Variants in GNAQ observed in about 807,000 individuals in gnomAD.
The protein encoded by GNAQ is G protein subunit alpha q.
GNAQ carries 8 observed loss-of-function variants against 43.9 expected under a neutral mutation model. The ratio of observed to expected loss-of-function variants is 0.18; its 90% CI spans 0.11 to 0.33. The LOEUF (loss-of-function observed/expected upper bound fraction) is 0.33, where lower values mean the gene tolerates loss of function less well. GNAQ is among the 10% of genes least tolerant of loss of function. The pLI, the probability that GNAQ is intolerant of heterozygous loss-of-function variation, is 1.00. For synonymous variants in GNAQ, 155 were observed against 170.7 expected (o/e 0.91, Z 0.71); for missense variants, 158 against 450.8 (o/e 0.35, Z 5.88).
intron 5 of GNAQ, among the ~76,000 whole-genome samples, chr9:77,745,813 AC>A (rs1425390998): frequency 6.6e-6 from 1 of 152,098 alleles, no homozygotes; most frequent in African/African-American, 2.4e-5. Flanking sequence ...CGTTATAGTA[AC>A]AGAACACAGA....
At chr9:77,985,325 C>G (rs1180749049) in intron 1 of GNAQ, among the ~76,000 whole-genome samples, 2 of 152,156 alleles carry the variant, frequency 1.3e-5, no homozygotes, top group East Asian at 1.9e-4. Flanking sequence ...AAAAACCAAC[C>G]AACAAACAAA....
At chr9:77,863,216 A>AAGGAAGGG (rs1281288103) in intron 2 of GNAQ, among the ~76,000 whole-genome samples, 6 of 148,976 alleles carry the variant, frequency 4.0e-5, no homozygotes, top group Admixed American at 1.3e-4. Context: ...GGAAGGAAGG[A>AAGGAAGGG]AGGGAGGAAG....
intron 5 of GNAQ, among the ~76,000 whole-genome samples, chr9:77,753,836 G>C (rs1200871915): frequency 1.0e-5 from 1 of 97,340 alleles, no homozygotes; most frequent in African/African-American, 2.6e-5. Flanking sequence ...CCATATACTT[G>C]AATTAATTAA....
chr9:77,832,559 C>T (rs759689727), intron 2 of GNAQ, among the ~76,000 whole-genome samples: 3 of 152,092 alleles, frequency 2.0e-5, no homozygotes, highest in Admixed American at 1.3e-4. Context: ...AGAAAAGCAC[C>T]AAAGAAAACC....
At chr9:77,970,224 A>C (rs190138874) in intron 1 of GNAQ, among the ~76,000 whole-genome samples, 2 of 147,898 alleles carry the variant, frequency 1.4e-5, no homozygotes, top group African/African-American at 5.0e-5. Context: ...CATCTCCACA[A>C]AAAAAAAAAA....
chr9:77,941,818 A>G (rs1444152964), intron 1 of GNAQ, among the ~76,000 whole-genome samples: 1 of 152,066 alleles, frequency 6.6e-6, no homozygotes, highest in Non-Finnish European at 1.5e-5. Context: ...ACTGTTGACA[A>G]TATATTGCCA....
chr9:77,923,302 C>T (rs570227097), intron 1 of GNAQ, among the ~76,000 whole-genome samples: 136 of 152,164 alleles, frequency 8.9e-4, no homozygotes, highest in African/African-American at 3.1e-3. Flanking sequence ...TTCCCTCTCC[C>T]GATTCTTGAC....
At chr9:78,005,771 T>C (rs1273284237) in intron 1 of GNAQ, among the ~76,000 whole-genome samples, 2 of 152,178 alleles carry the variant, frequency 1.3e-5, no homozygotes, top group Admixed American at 1.3e-4. Flanking sequence ...GATGGGTATG[T>C]GTTAGGCATC....
intron 5 of GNAQ, among the ~76,000 whole-genome samples, chr9:77,751,919 A>G (rs958745548): frequency 3.3e-5 from 5 of 152,376 alleles, no homozygotes; most frequent in Admixed American, 3.3e-4. Flanking sequence ...GGGAAATGCG[A>G]AACTGAATCT....
chr9:78,015,936 G>C (rs933317144), intron 1 of GNAQ, among the ~76,000 whole-genome samples: 74 of 151,678 alleles, frequency 4.9e-4, no homozygotes, highest in African/African-American at 1.7e-3. Context: ...AATAAACTTA[G>C]AAAAATTCCA....
intron 5 of GNAQ, among the ~76,000 whole-genome samples, chr9:77,738,358 A>G (rs985368634): frequency 6.6e-6 from 1 of 152,106 alleles, no homozygotes; most frequent in African/African-American, 2.4e-5. Flanking sequence ...GTAAATTTTA[A>G]TTGGCTTTTC....
rs373718338 is a variant in GNAQ at position 77,979,317 on chromosome 9, T to C, written c.136+51783A>G. 6.6e-5 allele frequency among the ~76,000 whole-genome samples: 10 copies of C among 150,802 alleles called. No homozygotes were observed. In the South Asian group the frequency reaches 2.1e-3, roughly 32 times the overall value. ...GTTGCGGTGAGCCGAGATGGCGCCA[T>C]TGCACTCCAGCCTGGGCAACAAGAG... On this transcript the variant is annotated intron_variant, in intron 1 of 6. Coordinates refer to ENST00000286548, the MANE Select transcript of GNAQ (RefSeq NM_002072.5).
At chr9:77,749,298 T>C (rs549936819) in intron 5 of GNAQ, among the ~76,000 whole-genome samples, 285 of 152,322 alleles carry the variant, frequency 1.9e-3, no homozygotes, top group Non-Finnish European at 3.2e-3. Context: ...CTGATGCCAG[T>C]TAAGACCTTA....
intron 2 of GNAQ, among the ~76,000 whole-genome samples, chr9:77,911,625 A>C (rs1176000697): frequency 6.6e-6 from 1 of 152,192 alleles, no homozygotes; most frequent in East Asian, 1.9e-4. Flanking sequence ...AAACCCAGGT[A>C]AGCCTTTTCA....
intron 2 of GNAQ, among the ~76,000 whole-genome samples, chr9:77,921,066 T>C (rs1005163799): frequency 6.6e-6 from 1 of 152,192 alleles, no homozygotes; most frequent in Admixed American, 6.5e-5. Flanking sequence ...ACTGAGAGAA[T>C]GAAAATTTCT....
At chr9:77,769,252 A>G (rs1826181537) in intron 5 of GNAQ, among the ~76,000 whole-genome samples, 1 of 152,098 alleles carries the variant, frequency 6.6e-6, no homozygotes, top group Non-Finnish European at 1.5e-5. Flanking sequence ...ACATAAAAAT[A>G]TTAGCCAGGG....
chr9:77,721,680 T>TCCAC (rs1300831046), intron 6 of GNAQ, among the ~76,000 whole-genome samples, 167 bp from the exon 7 acceptor site: 1 of 152,088 alleles, frequency 6.6e-6, no homozygotes, highest in Admixed American at 6.6e-5. Context: ...TGACCATCCA[T>TCCAC]CCACCCACCC....
At chr9:77,851,567 T>C (rs1371805876) in intron 2 of GNAQ, among the ~76,000 whole-genome samples, 1 of 152,180 alleles carries the variant, frequency 6.6e-6, no homozygotes, top group Admixed American at 6.5e-5. Context: ...CCATTCTAAA[T>C]GTTTTGCTTT....
intron 2 of GNAQ, among the ~76,000 whole-genome samples, chr9:77,831,485 CA>C (rs1174404611): frequency 6.6e-6 from 1 of 152,088 alleles, no homozygotes. Context: ...GGCCACCCAC[CA>C]GAAGTGGAAA....
Sources: gnomAD v4.1 joint callset for allele counts (sites outside exome capture counted in the v4.1 genomes callset) on GRCh38, gnomAD v4.1.1 for gene constraint, MANE v1.5 for transcripts, NCBI Gene and HGNC (gene_info 2026-07-23, HGNC 2026-07-21) for gene names.